Variants in NR3C2 observed in about 807,000 individuals in gnomAD.
NR3C2 encodes mineralocorticoid receptor.
Under a neutral mutation model 86.4 loss-of-function variants are expected in NR3C2, and 15 were observed. The ratio of observed to expected loss-of-function variants is 0.17; its 90% CI spans 0.12 to 0.27. The LOEUF (loss-of-function observed/expected upper bound fraction) is 0.27. Among genes scored for constraint, NR3C2 ranks in the 10% least tolerant of loss-of-function variants. NR3C2 has a pLI of 1.00. For synonymous variants in NR3C2, 458 were observed against 450.5 expected, an observed-to-expected ratio of 1.02 and a Z score of -0.21; for missense variants, 960 against 1,195.6, an observed-to-expected ratio of 0.80 and a Z score of 2.91.
At chr4:148,172,741 A>G (rs992648046) in intron 4 of NR3C2, among the ~76,000 whole-genome samples, 8 of 152,240 alleles carry the variant, frequency 5.3e-5, no homozygotes, top group Non-Finnish European at 1.0e-4. Context: ...CAAAAGGACA[A>G]TTCTGTTCTT....
At chr4:148,232,969 G>A (rs1738541497) in intron 3 of NR3C2, among the ~76,000 whole-genome samples, 1 of 152,082 alleles carries the variant, frequency 6.6e-6, no homozygotes, top group Non-Finnish European at 1.5e-5. Context: ...ACAGAGTTAG[G>A]GCCTTGCTTT....
At chr4:148,442,660 A>C (rs1750411516), upstream of NR3C2, 1 of 985,442 alleles carries the variant, frequency 1.0e-6, no homozygotes, top group Non-Finnish European at 1.2e-6. Context: ...GCTGTCAGTC[A>C]CCAGGCGGGC....
chr4:148,106,882 C>T (rs1289533904), intron 8 of NR3C2, among the ~76,000 whole-genome samples: 3 of 152,114 alleles, frequency 2.0e-5, no homozygotes, highest in Admixed American at 2.0e-4. Flanking sequence ...AAGACTTAAA[C>T]GTAAAACCTA....
At chr4:148,208,486 T>G (rs1737117382) in intron 3 of NR3C2, 1 of 152,272 alleles carries the variant, frequency 6.6e-6, no homozygotes, top group South Asian at 2.1e-4. Flanking sequence ...TTCCTTGTGT[T>G]AATGCCTATG....
chr4:148,259,543 A>T (rs1739992051), intron 3 of NR3C2, among the ~76,000 whole-genome samples: 1 of 152,222 alleles, frequency 6.6e-6, no homozygotes, highest in Admixed American at 6.5e-5. Context: ...TTCTGTATGA[A>T]ACACAAATCA....
chr4:148,333,536 T>TAAAAAAAAAAAAAAAGA (rs372805275), intron 2 of NR3C2, among the ~76,000 whole-genome samples: 14 of 151,560 alleles, frequency 9.2e-5, no homozygotes, highest in Admixed American at 3.9e-4. Context: ...AAAGTCTCCT[T>TAAAAAAAAAAAAAAAGA]AAAATCTCCC....
chr4:148,432,404 AAAC>A (rs1280501074), intron 2 of NR3C2, among the ~76,000 whole-genome samples: 6 of 152,182 alleles, frequency 3.9e-5, no homozygotes, highest in Non-Finnish European at 7.4e-5. Flanking sequence ...GTGGAATCTG[AAAC>A]AACATCAGTG....
chr4:148,209,069 C>T (rs997813901), intron 3 of NR3C2, among the ~76,000 whole-genome samples: 1 of 151,814 alleles, frequency 6.6e-6, no homozygotes, highest in Non-Finnish European at 1.5e-5. Context: ...CATGGTGAAA[C>T]CCAACCTCTA....
intron 2 of NR3C2, among the ~76,000 whole-genome samples, chr4:148,391,297 G>A (rs61764784): frequency 7.0e-4 from 106 of 152,224 alleles, no homozygotes; most frequent in Non-Finnish European, 1.2e-3. Flanking sequence ...AGTCAGAATT[G>A]TACATCTCAT....
intron 4 of NR3C2, among the ~76,000 whole-genome samples, chr4:148,162,360 C>T (rs893173697): frequency 1.3e-5 from 2 of 152,106 alleles, no homozygotes; most frequent in Non-Finnish European, 2.9e-5. Flanking sequence ...TTTTCTGTAG[C>T]TATATTCTTT....
chr4:148,401,621 G>A (rs1019096413), intron 2 of NR3C2, among the ~76,000 whole-genome samples: 5 of 151,752 alleles, frequency 3.3e-5, no homozygotes, highest in African/African-American at 7.3e-5. Flanking sequence ...CCGCCACCAC[G>A]CCCGGCTAAT....
At position 148,319,804 on chromosome 4, in the gene NR3C2, A is replaced by G. The variant is rs560129547; in HGVS notation, c.1758-59687T>C. Among the ~76,000 whole-genome samples the G allele has an allele frequency of 1.4e-3, 213 of 149,340 alleles. 7 individuals are homozygous for G. The South Asian group carries it at 0.044, about 31-fold the overall frequency. Reference sequence around the variant, plus strand: ...TGAGACAATGGGTTTTTCTAGATATACAATCATGTCGTCTGCAAACAGGGA... The same window carrying G: ...TGAGACAATGGGTTTTTCTAGATATGCAATCATGTCGTCTGCAAACAGGGA... On this transcript the variant is annotated intron_variant, in intron 2 of 8. Coordinates refer to ENST00000358102, the MANE Select transcript of NR3C2 (RefSeq NM_000901.5).
At chr4:148,425,928 C>T (rs1749507207) in intron 2 of NR3C2, among the ~76,000 whole-genome samples, 1 of 152,160 alleles carries the variant, frequency 6.6e-6, no homozygotes, top group Non-Finnish European at 1.5e-5. Context: ...CCAAAACTCT[C>T]ACAGTTAAAT....
chr4:148,341,469 C>T (rs142210356), intron 2 of NR3C2, among the ~76,000 whole-genome samples: 3 of 151,900 alleles, frequency 2.0e-5, no homozygotes, highest in Admixed American at 6.6e-5. Context: ...GGAGAGGGAA[C>T]GACGAAGAGA....
chr4:148,372,831 T>C (rs997680067), intron 2 of NR3C2, among the ~76,000 whole-genome samples: 6 of 152,220 alleles, frequency 3.9e-5, no homozygotes, highest in Non-Finnish European at 5.9e-5. Flanking sequence ...ATGCTTCAGA[T>C]AGTTTAACCC....
At chr4:148,179,135 T>G (rs1394891618) in intron 4 of NR3C2, among the ~76,000 whole-genome samples, 8 of 151,470 alleles carry the variant, frequency 5.3e-5, no homozygotes, top group South Asian at 2.1e-4. Flanking sequence ...CACAAAACGA[T>G]TTTAACAGAG....
At chr4:148,263,287 T>C (rs1740220522) in intron 2 of NR3C2, among the ~76,000 whole-genome samples, 2 of 152,236 alleles carry the variant, frequency 1.3e-5, no homozygotes, top group African/African-American at 2.4e-5. Flanking sequence ...CAGATTTTGA[T>C]GTTGTGAAAG....
intron 1 of NR3C2, 135 bp from the exon 2 acceptor site, chr4:148,436,997 ACTG>A (rs1750114197): frequency 1.4e-6 from 1 of 737,012 alleles, no homozygotes; most frequent in Non-Finnish European, 2.2e-6. Context: ...CTAATTTAAA[ACTG>A]TTACCTTTTT....
intron 3 of NR3C2, among the ~76,000 whole-genome samples, chr4:148,248,159 A>T (rs1405426337): frequency 6.6e-6 from 1 of 152,204 alleles, no homozygotes; most frequent in East Asian, 1.9e-4. Flanking sequence ...AAATGGCATG[A>T]CTATAACAAT....
Sources: allele counts gnomAD v4.1 joint callset (sites outside exome capture counted in the v4.1 genomes callset), GRCh38; gene constraint gnomAD v4.1.1; transcripts MANE v1.5; gene names NCBI Gene and HGNC (gene_info 2026-07-23, HGNC 2026-07-21).